The following GUCY2F variants were observed in gnomAD, a reference collection of about 807,000 sequenced individuals.
The protein encoded by GUCY2F is guanylate cyclase 2F, retinal, also known as retinal guanylyl cyclase 2.
A neutral mutation model predicts 73.1 loss-of-function variants in GUCY2F; 61 were observed. The ratio of observed to expected loss-of-function variants is 0.83; its 90% CI spans 0.68 to 1.03. The LOEUF (loss-of-function observed/expected upper bound fraction) is 1.03. Ranked by LOEUF, GUCY2F falls within the 50% of genes least tolerant of loss-of-function variation. The pLI is 0.00. For missense variants in GUCY2F, 912 were observed against 854.3 expected (o/e 1.07, Z -0.84); for synonymous variants, 331 against 307.8 (o/e 1.08, Z -0.79).
intron 7 of GUCY2F, among the ~76,000 whole-genome samples, chrX:109,434,891 C>A (rs1208603254): frequency 7.2e-5 from 8 of 110,817 alleles, no homozygotes; most frequent in Non-Finnish European, 1.3e-4. Flanking sequence ...GGAATCCTTT[C>A]CCCATTGCTT....
intron 8 of GUCY2F, among the ~76,000 whole-genome samples, chrX:109,412,082 A>C (rs1931124569): frequency 8.9e-6 from 1 of 112,092 alleles, no homozygotes; most frequent in Admixed American, 9.4e-5. Flanking sequence ...TTCACCATTA[A>C]AATTTATTAA....
chrX:109,382,301 T>A (rs1470739025), intron 16 of GUCY2F, 89 bp from the exon 17 acceptor site: 2 of 548,374 alleles, frequency 3.6e-6, no homozygotes, highest in Non-Finnish European at 6.5e-6. Context: ...TCTTCACTTG[T>A]AAATGAACTA....
In GUCY2F at chrX:109,465,283, G is replaced by C; in HGVS notation, c.891C>G (p.Val297=). Residue 297 remains valine, a synonymous_variant, in exon 3 of 20, where the codon GTC becomes GTG. Coordinates refer to ENST00000218006, the MANE Select transcript of GUCY2F (RefSeq NM_001522.3). ...CCCGGAGCTTTGGGTTGTTCCTTAGGACCCGGTAGGGGGTGTGCTTATAAG... is the reference window on the plus strand; with the variant it reads ...CCCGGAGCTTTGGGTTGTTCCTTAGCACCCGGTAGGGGGTGTGCTTATAAG... The part of the protein sequence containing the change: ...SLPYKHTPYR[V]LRNNPKLREA... The C allele has an allele frequency of 8.3e-7, 1 of 1,209,913 alleles. No individual in the cohort carries two copies. The highest frequency in any genetic ancestry group is 1.1e-6 in the Non-Finnish European group (1 of 893,980).
At chrX:109,433,956 T>C (rs1297613978) in intron 7 of GUCY2F, among the ~76,000 whole-genome samples, 3 of 109,914 alleles carry the variant, frequency 2.7e-5, no homozygotes, top group African/African-American at 9.9e-5. Flanking sequence ...ACTTACTAGA[T>C]GATTTTTTAG....
chrX:109,475,337 A>G lies in GUCY2F; in HGVS notation c.600T>C (p.His200=). The G allele has an allele frequency of 8.3e-7, 1 of 1,211,188 alleles. No homozygotes were observed. ...GAGCACTTGCGACTCGATTGGCTGT[A>G]TGCACCCAAATGTCTTCATCTGAGG... is the stretch of plus-strand genomic sequence containing the variant. ...VISSDEDIWV[H]TANRVASALR... Residue 200 remains histidine, a synonymous_variant, in exon 2 of 20, where the codon CAT becomes CAC. Transcript: ENST00000218006.
intron 8 of GUCY2F, among the ~76,000 whole-genome samples, chrX:109,412,893 C>T (rs371256911): frequency 1.7e-4 from 19 of 111,953 alleles, no homozygotes; most frequent in African/African-American, 3.6e-4. Context: ...GATGATGACA[C>T]GGCCCTAAGA....
At position 109,473,505 on chromosome X, in the gene GUCY2F, A is replaced by G. The variant is rs181421985; in HGVS notation, c.730+1702T>C. On this transcript the variant is annotated intron_variant, in intron 2 of 19. Coordinates refer to ENST00000218006, the MANE Select transcript of GUCY2F (RefSeq NM_001522.3). ...GGACCCACCACAGACCAATTCTAGT[A>G]GAATTTCTGGAGGTGGCGCTGTGGC... is the stretch of plus-strand genomic sequence containing the variant. Among the ~76,000 whole-genome samples, 6 of 112,214 alleles carry G rather than the reference A, an allele frequency of 5.3e-5. No homozygotes were observed. In the East Asian group the frequency reaches 1.7e-3, roughly 31 times the overall value.
chrX:109,455,159 T>C (rs1932233030), intron 3 of GUCY2F, among the ~76,000 whole-genome samples: 1 of 111,339 alleles, frequency 9.0e-6, no homozygotes, highest in South Asian at 3.8e-4. Context: ...GAGATGCTTT[T>C]AGTTTGATAC....
chrX:109,393,094 C>T (rs1216162252), intron 12 of GUCY2F, 39 bp from the exon 13 acceptor site: 10 of 745,553 alleles, frequency 1.3e-5, no homozygotes, highest in Non-Finnish European at 1.9e-5. Context: ...AAAATGCTTA[C>T]TCATCAAACT....
intron 8 of GUCY2F, among the ~76,000 whole-genome samples, chrX:109,422,566 T>C (rs1238688447): frequency 8.9e-6 from 1 of 111,926 alleles, no homozygotes; most frequent in Non-Finnish European, 1.9e-5. Flanking sequence ...AAAAACACTA[T>C]GAGATAACCT....
In GUCY2F at chrX:109,457,034, C is replaced by T. The variant is rs192715036; in HGVS notation, c.1033-3175G>A. On this transcript the variant is annotated intron_variant, in intron 3 of 19. Coordinates refer to ENST00000218006, the MANE Select transcript of GUCY2F (RefSeq NM_001522.3). ...GTAAGAACTTCTGTCAGAGAGATGA[C>T]CTTGTTGACATCACAGTCCAAAATG... Among the ~76,000 whole-genome samples the T allele has an allele frequency of 8.9e-5, 10 of 112,010 alleles. No individual in the cohort carries two copies. The Admixed American group carries it at 9.4e-4, about 11-fold the overall frequency.
At chrX:109,456,166 ATGC>A (rs1932255464) in intron 3 of GUCY2F, among the ~76,000 whole-genome samples, 1 of 112,451 alleles carries the variant, frequency 8.9e-6, no homozygotes, top group Non-Finnish European at 1.9e-5. Flanking sequence ...TGCCTAGCAC[ATGC>A]TGAGCTCCCT....
chrX:109,429,740 G>A (rs1931569746), intron 8 of GUCY2F, among the ~76,000 whole-genome samples: 1 of 112,157 alleles, frequency 8.9e-6, no homozygotes, highest in African/African-American at 3.2e-5. Context: ...GCTTAGGAAG[G>A]ATCATCAGTA....
chrX:109,413,322 C>T lies in GUCY2F; in HGVS notation c.1792-4154G>A, dbSNP rs185521316. 2.7e-3 allele frequency among the ~76,000 whole-genome samples: 299 copies of T among 112,136 alleles called. 3 individuals are homozygous for T. The highest frequency in any genetic ancestry group is 9.0e-3 in the African/African-American group (279 of 30,846). ...ATATACTTTACCTCTTCCATAATAC[C>T]TATCTGGCTGGCTACCATCAAATGT... On this transcript the variant is annotated intron_variant, in intron 8 of 19. Coordinates refer to ENST00000218006, the MANE Select transcript of GUCY2F (RefSeq NM_001522.3).
At chrX:109,421,924 G>A (rs1158771319) in intron 8 of GUCY2F, among the ~76,000 whole-genome samples, 1 of 111,693 alleles carries the variant, frequency 9.0e-6, no homozygotes, top group Admixed American at 9.5e-5. Context: ...ACAGGTATAT[G>A]CAAAATCATA....
intron 8 of GUCY2F, among the ~76,000 whole-genome samples, chrX:109,420,276 A>AG (rs1171818883): frequency 1.1e-4 from 11 of 96,391 alleles, no homozygotes; most frequent in Non-Finnish European, 1.7e-4. Context: ...GGATGGAGGG[A>AG]GGGGGAAAGA....
chrX:109,391,178 C>T (rs969275746), intron 14 of GUCY2F, among the ~76,000 whole-genome samples: 12 of 111,456 alleles, frequency 1.1e-4, no homozygotes, highest in South Asian at 3.8e-4. Flanking sequence ...AGAGACAAGA[C>T]AACATATGTA....
chrX:109,404,858 C>T (rs1930937862), intron 9 of GUCY2F, among the ~76,000 whole-genome samples: 1 of 112,344 alleles, frequency 8.9e-6, no homozygotes, highest in Non-Finnish European at 1.9e-5. Flanking sequence ...CTGGGACAAA[C>T]TTGTGCATGG....
chrX:109,400,382 C>T (rs1043892153), intron 10 of GUCY2F, among the ~76,000 whole-genome samples: 5 of 111,292 alleles, frequency 4.5e-5, no homozygotes, highest in Non-Finnish European at 9.4e-5. Context: ...AGACAAATGT[C>T]TGCTAAGAGT....
Sources: gnomAD v4.1 joint callset for allele counts (sites outside exome capture counted in the v4.1 genomes callset) on GRCh38, gnomAD v4.1.1 for gene constraint, MANE v1.5 for transcripts, NCBI Gene and HGNC (gene_info 2026-07-23, HGNC 2026-07-21) for gene names.